JAG2: variants seen among roughly 807,000 people sequenced by gnomAD.
JAG2 encodes jagged canonical Notch ligand 2, also known as protein jagged-2.
Under a neutral mutation model 141.7 loss-of-function variants are expected in JAG2, and 46 were observed. The observed-to-expected ratio is 0.32, with a 90% CI of 0.26 to 0.42. The LOEUF is 0.42. JAG2 is among the 10% of genes least tolerant of loss of function. The probability of loss-of-function intolerance (pLI) is 1.00; values close to 1 mark genes in which losing one functional copy is unlikely to be tolerated. For synonymous variants in JAG2, 862 were observed against 763.5 expected (o/e 1.13, Z -2.13); for missense variants, 1,500 against 1,817.5 (o/e 0.83, Z 3.18).
At position 105,152,305 on chromosome 14, in the gene JAG2, G is replaced by A. The variant is rs763421537; in HGVS notation, c.789-14C>T. 75 of 1,612,144 alleles carry A rather than the reference G, an allele frequency of 4.7e-5. No homozygotes were observed. In the South Asian group the frequency reaches 7.3e-4, roughly 16 times the overall value. ...CCGTAGCTGCACCTGGGGGAAGGAG[G>A]AGGGGCGCAAGACCCAGTGAGCTGT... On this transcript the variant is annotated splice_polypyrimidine_tract_variant and intron_variant, in intron 5 of 25. Coordinates refer to ENST00000331782, the MANE Select transcript of JAG2 (RefSeq NM_002226.5).
rs1050681424 is a variant in JAG2 at position 105,167,143 on chromosome 14, C to A, written c.417+614G>T. ...CTTCTGCCCCTCCAGAATAACAAAA[C>A]CAAAAAAACCCACAAACAGGGCAGT... On this transcript the variant is annotated intron_variant, in intron 2 of 25. Coordinates refer to ENST00000331782, the MANE Select transcript of JAG2 (RefSeq NM_002226.5). This position sits in a 1 kb window ranked among gnomAD's most constrained non-coding sequence, Gnocchi z 4.8. Among the ~76,000 whole-genome samples, 26 of 152,158 alleles carry A rather than the reference C, an allele frequency of 1.7e-4. No individual in the cohort carries two copies. Among genetic ancestry groups the A allele is most frequent in the African/African-American group, 6.3e-4 (26 of 41,456 alleles).
intron 5 of JAG2, among the ~76,000 whole-genome samples, chr14:105,153,651 T>G (rs1888502517): frequency 6.6e-6 from 1 of 151,198 alleles, no homozygotes; most frequent in Non-Finnish European, 1.5e-5. Context: ...GAGCCGAGGC[T>G]GTCAGCAACA....
At chr14:105,162,273 C>A (rs953873882) in intron 2 of JAG2, among the ~76,000 whole-genome samples, 1 of 152,020 alleles carries the variant, frequency 6.6e-6, no homozygotes. Flanking sequence ...CCTACAAGCC[C>A]GGCCTGACCC....
At position 105,147,430 on chromosome 14, in the gene JAG2, G is replaced by A; in HGVS notation, c.2394-19C>T. On this transcript the variant is annotated intron_variant, in intron 19 of 25. Transcript: ENST00000331782. ...ATTGTAGCTGCAGAGCAGAGGGTGG[G>A]CATCAGGTGGCCCCCCGTGGTATGC... 6.2e-7 allele frequency: 1 copy of A among 1,609,926 alleles called. No individual in the cohort carries two copies. Among genetic ancestry groups the A allele is most frequent in the Non-Finnish European group, 8.5e-7 (1 of 1,177,964 alleles).
chr14:105,150,854 C>CCCCG lies in JAG2; in HGVS notation c.1428+7_1428+10dup, dbSNP rs1566763395. The CCCCG allele has an allele frequency of 7.6e-6, 12 of 1,580,440 alleles. No individual in the cohort carries two copies. Among genetic ancestry groups the CCCCG allele is most frequent in the Non-Finnish European group, 1.0e-5 (12 of 1,163,890 alleles). ...GCACCCACGCCACACACCCTCCTGG[C>CCCCG]CCCGCCTCACCTTGCAGGTGCCCCC... On this transcript the variant is annotated intron_variant, in intron 11 of 25. Transcript: ENST00000331782.
chr14:105,151,226 GC>G, intron 9 of JAG2, 56 bp downstream of exon 9: 1 of 1,531,162 alleles, frequency 6.5e-7, no homozygotes, highest in Non-Finnish European at 8.9e-7. Context: ...AGCCCCAGCA[GC>G]CCCCGCAGCC....
At chr14:105,146,063 C>T in intron 22 of JAG2, 90 bp from the exon 23 acceptor site, 3 of 1,530,598 alleles carry the variant, frequency 2.0e-6, no homozygotes, top group Non-Finnish European at 2.6e-6. Flanking sequence ...CAGGCACGGG[C>T]CCCATGCCAA....
intron 2 of JAG2, among the ~76,000 whole-genome samples, chr14:105,165,076 C>T (rs1185268398): frequency 6.6e-6 from 1 of 152,208 alleles, no homozygotes; most frequent in Non-Finnish European, 1.5e-5. Flanking sequence ...CAAGAAAGAC[C>T]CTCGCTGGCA....
At chr14:105,162,777 C>T (rs935792490) in intron 2 of JAG2, among the ~76,000 whole-genome samples, 1,018 of 74,532 alleles carry the variant, frequency 0.014, 4 homozygotes, top group African/African-American at 0.037. Context: ...AGTGTACCCA[C>T]AGTCCAGGGC....
chr14:105,144,503 C>T lies in JAG2; in HGVS notation c.3084+427G>A, dbSNP rs1043844735. ...GTTCCAGAACATTCCCTCCCCTCTC[C>T]GGGCATGTCTCCACCCCAGTCTCAC... On this transcript the variant is annotated intron_variant, in intron 24 of 25. Transcript: ENST00000331782. Among the ~76,000 whole-genome samples, 6 of 152,154 alleles carry T rather than the reference C, an allele frequency of 3.9e-5. No individual in the cohort carries two copies. In the East Asian group the frequency reaches 9.6e-4, roughly 24 times the overall value.
At chr14:105,147,742 G>A (rs587617813) in intron 18 of JAG2, 30 bp downstream of exon 18, 277 of 1,449,620 alleles carry the variant, frequency 1.9e-4, no homozygotes, top group Non-Finnish European at 2.4e-4. Context: ...GGAGGAAAGC[G>A]GCCCCCGCCC....
At chr14:105,143,672 G>C in intron 24 of JAG2, 34 bp from the exon 25 acceptor site, 1 of 1,599,502 alleles carries the variant, frequency 6.3e-7, no homozygotes, top group Non-Finnish European at 8.5e-7. Context: ...GGGATGGCTC[G>C]AGGGCTCCAG....
chr14:105,151,871 C>A (rs1888443633), intron 7 of JAG2, 67 bp downstream of exon 7: 2 of 1,610,888 alleles, frequency 1.2e-6, no homozygotes, highest in South Asian at 1.1e-5. Context: ...AGGGATGGGG[C>A]CTGACCGGCT....
rs760831775 is a variant in JAG2, at chr14:105,155,570, C to T, written c.780G>A (p.Gly260=). Reference sequence around the variant, plus strand: ...GCCGGCGGCACACTCACCTGCACTCCCCAGGCACGGTGCATCCCCCGTGGA... The same window carrying T: ...GCCGGCGGCACACTCACCTGCACTCTCCAGGCACGGTGCATCCCCCGTGGA... ...NLLHGGCTVP[G]ECRCSYGWQG... is the part of the protein sequence containing the mutation. Residue 260 remains glycine, a synonymous_variant, in exon 5 of 26, where the codon GGG becomes GGA. Transcript: ENST00000331782. The T allele has an allele frequency of 6.2e-7, 1 of 1,612,902 alleles. No homozygotes were observed. The highest frequency in any genetic ancestry group is 8.5e-7 in the Non-Finnish European group (1 of 1,179,980).
At chr14:105,153,365 G>A (rs1013394723) in intron 5 of JAG2, among the ~76,000 whole-genome samples, 3 of 152,188 alleles carry the variant, frequency 2.0e-5, no homozygotes, top group Non-Finnish European at 2.9e-5. Flanking sequence ...CTCACATCCC[G>A]CCTAGAATCC....
chr14:105,151,584 T>C (rs373476148), intron 8 of JAG2, 42 bp downstream of exon 8: 2 of 1,507,090 alleles, frequency 1.3e-6, no homozygotes, highest in East Asian at 2.4e-5. Context: ...AGACCCCCAC[T>C]GATACTAGGC....
chr14:105,155,626 C>G lies in JAG2; in HGVS notation c.728-4G>C. 6.2e-7 allele frequency: 1 copy of G among 1,612,768 alleles called. No homozygotes were observed. Among genetic ancestry groups the G allele is most frequent in the Non-Finnish European group, 8.5e-7 (1 of 1,179,928 alleles). ...TTACACCCTTGTTTACACACAGCTG[C>G]GAACAGAGAGGAGCGAGAGGCACAG... On this transcript the variant is annotated splice_polypyrimidine_tract_variant and splice_region_variant and intron_variant, in intron 4 of 25. Coordinates refer to ENST00000331782, the MANE Select transcript of JAG2 (RefSeq NM_002226.5).
rs1233132874 is a variant in JAG2, at chr14:105,148,794, G to A, written c.1971C>T (p.Ala657=). ...AGCCGCTGGGGCAGAAGCAGCGGAA[G>A]GCGTCCACCTCATCGATGCATGTGC... The part of the protein sequence containing the change: ...NGGTCIDEVD[A]FRCFCPSGWE... Residue 657 remains alanine, a synonymous_variant, in exon 15 of 26, where the codon GCC becomes GCT. Transcript: ENST00000331782. 6.3e-7 allele frequency: 1 copy of A among 1,596,884 alleles called. No homozygotes were observed. The highest frequency in any genetic ancestry group is 1.3e-5 in the African/African-American group (1 of 74,808).
chr14:105,146,775 A>G (rs1183387888), intron 20 of JAG2, 51 bp from the exon 21 acceptor site: 1 of 1,442,978 alleles, frequency 6.9e-7, no homozygotes, highest in Non-Finnish European at 9.6e-7. Context: ...CGCCCACCGC[A>G]GGACCGGCAT....
Sources: allele counts gnomAD v4.1 joint callset (sites outside exome capture counted in the v4.1 genomes callset), GRCh38; gene constraint gnomAD v4.1.1; non-coding constraint Gnocchi (gnomAD v3.1); transcripts MANE v1.5; gene names NCBI Gene and HGNC (gene_info 2026-07-23, HGNC 2026-07-21).